The following MIER2 variants were observed in gnomAD, a reference collection of about 807,000 sequenced individuals.
MIER2 encodes the protein mesoderm induction early response protein 2.
Under a neutral mutation model 67.6 loss-of-function variants are expected in MIER2, and 30 were observed. The ratio of observed to expected loss-of-function variants is 0.44; its 90% CI spans 0.33 to 0.60. The LOEUF is 0.60. Ranked by LOEUF, MIER2 falls within the 20% of genes least tolerant of loss-of-function variation. MIER2 has a pLI of 0.02. For missense variants in MIER2, 702 were observed against 745.1 expected (o/e 0.94, Z 0.67); for synonymous variants, 372 against 312.6 (o/e 1.19, Z -2.00).
intron 7 of MIER2, among the ~76,000 whole-genome samples, chr19:324,314 A>G (rs1008938149): frequency 2.9e-5 from 4 of 136,268 alleles, no homozygotes; most frequent in Non-Finnish European, 6.2e-5. Flanking sequence ...ACACACAACC[A>G]CGCAGACAAC....
rs752808252 is a variant in MIER2, at chr19:307,304, G to A, written c.1431C>T (p.Pro477=). 6.3e-7 allele frequency: 1 copy of A among 1,599,662 alleles called. No individual in the cohort carries two copies. The highest frequency in any genetic ancestry group is 1.7e-5 in the Admixed American group (1 of 57,440). ...GGCTGGAGATGAGGGGCAGCTCCTT[G>A]GGCAGGGCGAAGTCCACGGCCAGCC... is the stretch of plus-strand genomic sequence containing the variant. ...SPRLAVDFAL[P]KELPLISSHV... The change falls in exon 13 of 14, where the codon CCC becomes CCT. Residue 477 remains proline (P), a synonymous_variant. Transcript: ENST00000264819.
intron 1 of MIER2, chr19:344,202 C>T: frequency 9.1e-6 from 9 of 985,454 alleles, no homozygotes; most frequent in Non-Finnish European, 1.1e-5. Context: ...ACCCACCCTG[C>T]GCCCAGTTCG....
intron 7 of MIER2, among the ~76,000 whole-genome samples, chr19:323,762 A>C (rs904975277): frequency 6.6e-6 from 1 of 151,572 alleles, no homozygotes; most frequent in Admixed American, 6.6e-5. Flanking sequence ...TGCAATACAC[A>C]GGACACACAC....
At chr19:317,328 C>G (rs927838779) in intron 7 of MIER2, among the ~76,000 whole-genome samples, 1 of 151,828 alleles carries the variant, frequency 6.6e-6, no homozygotes, top group East Asian at 1.9e-4. Context: ...GAGATCGAGA[C>G]CACCCGGGCT....
intron 1 of MIER2, among the ~76,000 whole-genome samples, chr19:339,459 A>T (rs1441941204): frequency 6.6e-6 from 1 of 152,252 alleles, no homozygotes; most frequent in Non-Finnish European, 1.5e-5. Flanking sequence ...AGTGTTGACA[A>T]GAACGTGGAC....
Position 307,118 on chromosome 19 carries a change from C to CCGGGCA in MIER2, c.1616_1616+1insTGCCCG (p.His539_Cys540insAlaArg). 1 of 1,579,510 alleles carries CCGGGCA rather than the reference C, an allele frequency of 6.3e-7. No individual in the cohort carries two copies. The highest frequency in any genetic ancestry group is 8.6e-7 in the Non-Finnish European group (1 of 1,162,704). On this transcript the variant is annotated inframe_insertion and splice_region_variant. Coordinates refer to ENST00000264819, the MANE Select transcript of MIER2 (RefSeq NM_017550.3). ...GGCTCCGGGCATGGGGTGGCACTCA[C>CCGGGCA]TGTGACAGGGGCTCCGAGTGTAGCC...
intron 4 of MIER2, 55 bp downstream of exon 4, chr19:327,809 G>A (rs937756423): frequency 3.4e-5 from 54 of 1,600,224 alleles, no homozygotes; most frequent in Middle Eastern, 1.7e-4. Context: ...GAGAGGCAGC[G>A]CCAGGCCCCC....
intron 7 of MIER2, among the ~76,000 whole-genome samples, chr19:316,456 AT>A (rs1285543681): frequency 2.0e-5 from 3 of 151,918 alleles, no homozygotes; most frequent in Admixed American, 1.3e-4. Context: ...CGCCTGGCTA[AT>A]TTTTGTATTT....
At chr19:324,037 C>G (rs988805818) in intron 7 of MIER2, among the ~76,000 whole-genome samples, 1 of 149,054 alleles carries the variant, frequency 6.7e-6, no homozygotes, top group African/African-American at 2.5e-5. Context: ...TCGAAGGACA[C>G]AGGCGTCATC....
chr19:344,738 G>A (rs1313832488), intron 1 of MIER2, 36 bp downstream of exon 1: 9 of 1,154,526 alleles, frequency 7.8e-6, no homozygotes, highest in South Asian at 4.2e-5. Flanking sequence ...GGACGCGCGG[G>A]GGCGGGGGGC....
At chr19:329,866 C>CA (rs36067469) in intron 3 of MIER2, among the ~76,000 whole-genome samples, 7,356 of 94,610 alleles carry the variant, frequency 0.078, 301 homozygotes, top group Non-Finnish European at 0.11. Context: ...TACTCCGTCT[C>CA]AAAAAAAAAA....
intron 1 of MIER2, among the ~76,000 whole-genome samples, chr19:340,878 G>T (rs929986631): frequency 2.0e-5 from 3 of 152,142 alleles, no homozygotes; most frequent in African/African-American, 7.2e-5. Context: ...CAGAGGGAAG[G>T]AAGAGCCAGC....
intron 1 of MIER2, chr19:344,136 G>A (rs1205433124): frequency 8.1e-6 from 8 of 985,328 alleles, no homozygotes; most frequent in Non-Finnish European, 8.4e-6. Flanking sequence ...GCCCGGGAGA[G>A]GCTGGTCCAA....
chr19:344,303 G>C (rs961954980), intron 1 of MIER2: 1 of 984,782 alleles, frequency 1.0e-6, no homozygotes, highest in African/African-American at 1.7e-5. Context: ...GGCGCGGTGG[G>C]TCCACCGGGA....
chr19:327,110 A>G, intron 5 of MIER2, 23 bp downstream of exon 5: 2 of 1,566,850 alleles, frequency 1.3e-6, no homozygotes, highest in Middle Eastern at 1.7e-4. Context: ...GCTGCGGTGG[A>G]GTATGGGGAC....
At chr19:333,297 A>G (rs1012254356) in intron 3 of MIER2, among the ~76,000 whole-genome samples, 5 of 65,978 alleles carry the variant, frequency 7.6e-5, no homozygotes, top group Non-Finnish European at 1.3e-4. Context: ...CGCGCCCAAC[A>G]ATTTTTGTAT....
intron 3 of MIER2, among the ~76,000 whole-genome samples, chr19:333,821 T>G (rs1321523722): frequency 1.3e-5 from 2 of 150,402 alleles, no homozygotes; most frequent in African/African-American, 4.9e-5. Flanking sequence ...CCCGAGTAGC[T>G]GGGACTACAG....
At position 308,503 on chromosome 19, in the gene MIER2, G is replaced by T; in HGVS notation, c.1198+74C>A. ...CCAGCACAGGGCGCCAGGCAGGAGA[G>T]GCTCCACCGGGCCTCACTCACGGCT... On this transcript the variant is annotated intron_variant, in intron 12 of 13. Transcript: ENST00000264819. This position sits in a 1 kb window ranked among gnomAD's most constrained non-coding sequence, Gnocchi z 9.1. The T allele has an allele frequency of 6.9e-7, 1 of 1,451,928 alleles. No individual in the cohort carries two copies. 89.9% of individuals were successfully genotyped at this position (1,451,928 alleles called of 1,614,324 possible).
At chr19:309,307 TCTCACA>T (rs2145334332) in intron 10 of MIER2, among the ~76,000 whole-genome samples, 1 of 152,104 alleles carries the variant, frequency 6.6e-6, no homozygotes, top group East Asian at 1.9e-4. Flanking sequence ...TCTGCCTGCT[TCTCACA>T]GGCCCGGGGT....
Sources: gnomAD v4.1 joint callset for allele counts (sites outside exome capture counted in the v4.1 genomes callset) on GRCh38, gnomAD v4.1.1 for gene constraint, Gnocchi (gnomAD v3.1) non-coding constraint, MANE v1.5 for transcripts, NCBI Gene and HGNC (gene_info 2026-07-23, HGNC 2026-07-21) for gene names.